The following OTOA variants were observed in gnomAD, a reference collection of about 807,000 sequenced individuals.
OTOA encodes cancer/testis antigen 108.
Under a neutral mutation model 110.8 loss-of-function variants are expected in OTOA, and 70 were observed. That is an observed-to-expected ratio of 0.63 (90% confidence interval 0.52 to 0.77). OTOA has a LOEUF of 0.77. OTOA is among the 30% of genes least tolerant of loss of function. OTOA has a pLI of 0.00. For missense variants in OTOA, 917 were observed against 1,075.8 expected, an observed-to-expected ratio of 0.85 and a Z score of 2.06; for synonymous variants, 373 against 431.5, an observed-to-expected ratio of 0.86 and a Z score of 1.68.
intron 10 of OTOA, among the ~76,000 whole-genome samples, chr16:21,700,343 T>A (rs996659411): frequency 3.3e-5 from 5 of 152,072 alleles, no homozygotes; most frequent in Non-Finnish European, 7.3e-5. Context: ...AAAAGCCCAG[T>A]TTCTCAGATA....
intron 5 of OTOA, among the ~76,000 whole-genome samples, chr16:21,680,767 C>T (rs972471011): frequency 2.6e-5 from 4 of 151,044 alleles, no homozygotes; most frequent in South Asian, 4.2e-4. Context: ...GCAGGAGAAT[C>T]GCTTGAACCT....
chr16:21,714,264 TTTCTTTC>T (rs1203845714), intron 13 of OTOA, among the ~76,000 whole-genome samples: 1 of 149,528 alleles, frequency 6.7e-6, no homozygotes, highest in Non-Finnish European at 1.5e-5. Context: ...TCTTTCTTTC[TTTCTTTC>T]TTTCCTCCTT....
intron 12 of OTOA, 76 bp from the exon 13 acceptor site, chr16:21,709,812 A>G (rs1898299112): frequency 7.6e-7 from 1 of 1,311,156 alleles, no homozygotes; most frequent in African/African-American, 1.5e-5. Flanking sequence ...TGGAGTCCTA[A>G]TAGCCCTGGA....
At chr16:21,675,116 T>TC (rs1220875003) in intron 1 of OTOA, among the ~76,000 whole-genome samples, 15 of 141,486 alleles carry the variant, frequency 1.1e-4, no homozygotes, top group South Asian at 4.4e-4. Context: ...TTTCTTTCTT[T>TC]TTCTTTCTCT....
intron 21 of OTOA, among the ~76,000 whole-genome samples, chr16:21,734,711 C>T (rs1295463564): frequency 1.3e-5 from 2 of 152,012 alleles, no homozygotes; most frequent in Non-Finnish European, 2.9e-5. Flanking sequence ...GTGGTGGGCA[C>T]ATGTAGTCCC....
chr16:21,749,470 A>C (rs1358436852), intron 24 of OTOA, among the ~76,000 whole-genome samples: 11 of 146,848 alleles, frequency 7.5e-5, no homozygotes, highest in Non-Finnish European at 1.2e-4. Context: ...TGGAGGTTGC[A>C]GTAAGCCAAG....
intron 19 of OTOA, chr16:21,727,294 G>A (rs755113057): frequency 6.4e-6 from 1 of 156,274 alleles, no homozygotes; most frequent in Non-Finnish European, 1.4e-5. Context: ...TGGGATTACA[G>A]ACATGAGCCA....
intron 20 of OTOA, 32 bp downstream of exon 20, chr16:21,728,463 T>C: frequency 6.2e-7 from 1 of 1,605,234 alleles, no homozygotes; most frequent in Non-Finnish European, 8.5e-7. Context: ...CTTTTGGTGG[T>C]GTGGTATGCT....
intron 1 of OTOA, 41 bp from the exon 2 acceptor site, chr16:21,678,466 ATATT>A (rs773970712): frequency 5.5e-5 from 61 of 1,099,746 alleles, no homozygotes; most frequent in Non-Finnish European, 7.3e-5. Flanking sequence ...ATATATATAT[ATATT>A]AAAAAAACAT....
intron 14 of OTOA, among the ~76,000 whole-genome samples, chr16:21,715,494 G>A (rs1898526025): frequency 6.8e-6 from 1 of 147,780 alleles, no homozygotes; most frequent in Non-Finnish European, 1.5e-5. Flanking sequence ...GGAGTACAGT[G>A]GTATGATCAT....
At chr16:21,680,853 C>CAAAAAAAA (rs1229330756) in intron 5 of OTOA, among the ~76,000 whole-genome samples, 1 of 70,824 alleles carries the variant, frequency 1.4e-5, no homozygotes, top group Non-Finnish European at 3.0e-5. Flanking sequence ...ACTCTGTCTC[C>CAAAAAAAA]AAAAAAAAAA....
At chr16:21,697,286 C>T (rs1024526114) in intron 9 of OTOA, among the ~76,000 whole-genome samples, 9 of 152,096 alleles carry the variant, frequency 5.9e-5, no homozygotes, top group South Asian at 2.1e-4. Flanking sequence ...TCACATCCTA[C>T]GTGTGATCTC....
At chr16:21,676,483 A>G (rs896994458) in intron 1 of OTOA, among the ~76,000 whole-genome samples, 2 of 152,178 alleles carry the variant, frequency 1.3e-5, no homozygotes, top group South Asian at 2.1e-4. Flanking sequence ...CATGGAGGCA[A>G]TTGTTCTTTG....
chr16:21,670,058 A>C (rs1966847028), intron 1 of OTOA, among the ~76,000 whole-genome samples: 1 of 152,050 alleles, frequency 6.6e-6, no homozygotes. Context: ...CCGGGGAGGC[A>C]GAGGTTGCAG....
intron 1 of OTOA, among the ~76,000 whole-genome samples, chr16:21,668,833 A>T (rs1170895643): frequency 6.6e-6 from 1 of 151,960 alleles, no homozygotes; most frequent in Non-Finnish European, 1.5e-5. Context: ...TTTTGAGTTA[A>T]TAGGTTCTCT....
intron 14 of OTOA, among the ~76,000 whole-genome samples, chr16:21,715,904 A>C (rs1377861510): frequency 6.6e-6 from 1 of 151,660 alleles, no homozygotes; most frequent in Non-Finnish European, 1.5e-5. Context: ...CCATGTCCGT[A>C]TTCTGTTTTT....
rs1376871577 is a variant in OTOA at position 21,746,436 on chromosome 16, A to G, written c.2775+1400A>G. Among the ~76,000 whole-genome samples the G allele has an allele frequency of 6.0e-4, 53 of 87,678 alleles. 4 individuals carry two copies. In the East Asian group the frequency reaches 0.015, roughly 24 times the overall value. The allele number at this position is 87,678 out of a possible 152,430, so 57.5% of individuals were successfully genotyped here. ...AGATGCGATTAAGGATCTTGAGATG[A>G]GGAGGTTATCTTGGATTATTTGGGT... On this transcript the variant is annotated intron_variant, in intron 24 of 28. Transcript: ENST00000646100.
In OTOA at chr16:21,710,846, T is replaced by C. The variant is rs528495414; in HGVS notation, c.1320+743T>C. Among the ~76,000 whole-genome samples the C allele has an allele frequency of 1.0e-3, 158 of 152,050 alleles. 1 individual carries two copies. Among genetic ancestry groups the C allele is most frequent in the Non-Finnish European group, 2.0e-3 (136 of 67,982 alleles). On this transcript the variant is annotated intron_variant, in intron 13 of 28. Coordinates refer to ENST00000646100, the MANE Select transcript of OTOA (RefSeq NM_144672.4). ...GGTGAAATCCCGTCTCTACTAAAAA[T>C]ACAAAAATTAGCTGGGCGTGGTGGT...
At chr16:21,699,775 C>T (rs215887) in intron 10 of OTOA, among the ~76,000 whole-genome samples, 105,331 of 151,258 alleles carry the variant, frequency 0.7, 37,009 homozygotes, top group Non-Finnish European at 0.74. Context: ...AAAAATTAGC[C>T]GGGCATGTTT....
Sources: gnomAD v4.1 joint callset for allele counts (sites outside exome capture counted in the v4.1 genomes callset) on GRCh38, gnomAD v4.1.1 for gene constraint, MANE v1.5 for transcripts, NCBI Gene and HGNC (gene_info 2026-07-23, HGNC 2026-07-21) for gene names.